MAGI2: variants seen among roughly 807,000 people sequenced by gnomAD.
MAGI2 encodes membrane-associated guanylate kinase, WW and PDZ domain-containing protein 2.
Under a neutral mutation model 133.3 loss-of-function variants are expected in MAGI2, and 35 were observed. The observed-to-expected ratio is 0.26, with a 90% CI of 0.20 to 0.35. MAGI2 has a LOEUF of 0.35. MAGI2 is among the 10% of genes least tolerant of loss of function. The pLI, the probability that MAGI2 is intolerant of heterozygous loss-of-function variation, is 1.00. For missense variants in MAGI2, 1,636 were observed against 1,863.4 expected (o/e 0.88, Z 2.25); for synonymous variants, 729 against 710.6 (o/e 1.03, Z -0.41).
intron 2 of MAGI2, among the ~76,000 whole-genome samples, chr7:78,805,400 C>T (rs1042011781): frequency 2.6e-5 from 4 of 151,788 alleles, no homozygotes; most frequent in African/African-American, 7.3e-5. Flanking sequence ...AAATATACCT[C>T]AATAAAAGAT....
chr7:78,794,978 T>C (rs1787484387), intron 2 of MAGI2, among the ~76,000 whole-genome samples: 1 of 152,062 alleles, frequency 6.6e-6, no homozygotes, highest in Non-Finnish European at 1.5e-5. Context: ...GATTCTTCTA[T>C]CACAGAGCAG....
At chr7:78,801,482 T>C (rs763010969) in intron 2 of MAGI2, among the ~76,000 whole-genome samples, 1 of 152,154 alleles carries the variant, frequency 6.6e-6, no homozygotes, top group African/African-American at 2.4e-5. Context: ...TTATTGATAA[T>C]GTACTGTCTA....
At chr7:78,507,747 G>A (rs1310775263) in intron 4 of MAGI2, among the ~76,000 whole-genome samples, 1 of 152,184 alleles carries the variant, frequency 6.6e-6, no homozygotes, top group Non-Finnish European at 1.5e-5. Context: ...ATTTGTCAGT[G>A]AGAGAAGAAA....
chr7:78,136,975 T>C (rs1480976478), intron 16 of MAGI2, among the ~76,000 whole-genome samples: 4 of 151,748 alleles, frequency 2.6e-5, no homozygotes, highest in Non-Finnish European at 5.9e-5. Flanking sequence ...TGTTTTTATA[T>C]ACCATAAGCA....
At chr7:78,126,193 G>GGTGTGTGTGTGTGTGTGT (rs3085805) in intron 19 of MAGI2, among the ~76,000 whole-genome samples, 2 of 149,010 alleles carry the variant, frequency 1.3e-5, no homozygotes, top group African/African-American at 5.0e-5. Context: ...ATAAATGTCA[G>GGTGTGTGTGTGTGTGTGT]GTGTGTGTGT....
At chr7:79,125,719 C>G (rs10272193) in intron 1 of MAGI2, 1 of 525,744 alleles carries the variant, frequency 1.9e-6, no homozygotes, top group African/African-American at 1.9e-5. Flanking sequence ...AGCTCTGGCC[C>G]CTATGATGGC....
chr7:78,204,181 A>T, intron 10 of MAGI2, among the ~76,000 whole-genome samples: 1 of 152,214 alleles, frequency 6.6e-6, no homozygotes. Flanking sequence ...AATAATTTCT[A>T]ATAATAATTA....
chr7:78,403,820 T>C (rs1427376201), intron 6 of MAGI2, among the ~76,000 whole-genome samples: 3 of 152,114 alleles, frequency 2.0e-5, no homozygotes, highest in Non-Finnish European at 4.4e-5. Flanking sequence ...GTCTGGTCAA[T>C]CAGGCAGGAG....
chr7:78,078,333 C>T (rs1815586219), intron 21 of MAGI2: 1 of 153,936 alleles, frequency 6.5e-6, no homozygotes, highest in East Asian at 1.9e-4. Flanking sequence ...GAAACAACAA[C>T]TTTAAAGATG....
intron 7 of MAGI2, among the ~76,000 whole-genome samples, chr7:78,351,176 T>A (rs1164922687): frequency 1.3e-5 from 2 of 152,064 alleles, no homozygotes; most frequent in Non-Finnish European, 2.9e-5. Context: ...GGAAAGAGGA[T>A]ATATCTCACT....
At chr7:79,344,750 A>G (rs1841182814) in intron 1 of MAGI2, among the ~76,000 whole-genome samples, 1 of 152,058 alleles carries the variant, frequency 6.6e-6, no homozygotes, top group African/African-American at 2.4e-5. Flanking sequence ...GGTAACAAGA[A>G]GCCACGGAAA....
chr7:79,229,874 ATGCTGGTGCAG>A (rs1831205239), intron 1 of MAGI2, among the ~76,000 whole-genome samples: 1 of 151,052 alleles, frequency 6.6e-6, no homozygotes, highest in African/African-American at 2.4e-5. Context: ...TACATGTGCC[ATGCTGGTGCAG>A]TGCACCCACT....
chr7:78,651,210 C>T (rs1811521082), intron 2 of MAGI2, among the ~76,000 whole-genome samples: 1 of 152,078 alleles, frequency 6.6e-6, no homozygotes, highest in South Asian at 2.1e-4. Flanking sequence ...ATAATACAGA[C>T]CCTCCAGCCT....
intron 1 of MAGI2, among the ~76,000 whole-genome samples, chr7:79,084,774 TTTTG>T (rs1190410380): frequency 1.3e-4 from 19 of 151,942 alleles, no homozygotes; most frequent in African/African-American, 4.3e-4. Context: ...TTATTCTGAT[TTTTG>T]TTTATCTGAA....
chr7:79,217,372 G>A (rs1015307140), intron 1 of MAGI2, among the ~76,000 whole-genome samples: 2 of 151,834 alleles, frequency 1.3e-5, no homozygotes, highest in African/African-American at 4.8e-5. Context: ...TCCATATTTT[G>A]TTCTTCTAGA....
At chr7:79,422,178 G>A (rs1224616345) in intron 1 of MAGI2, among the ~76,000 whole-genome samples, 1 of 151,970 alleles carries the variant, frequency 6.6e-6, no homozygotes, top group Non-Finnish European at 1.5e-5. Flanking sequence ...AATTCTACAT[G>A]ACCTTTTAGG....
intron 2 of MAGI2, among the ~76,000 whole-genome samples, chr7:78,945,808 G>A (rs1801371958): frequency 6.6e-6 from 1 of 152,048 alleles, no homozygotes. Flanking sequence ...CTACTCCTTG[G>A]CTCACTTAAT....
chr7:78,076,662 AG>A (rs1489480501), intron 21 of MAGI2, among the ~76,000 whole-genome samples: 2 of 149,568 alleles, frequency 1.3e-5, no homozygotes, highest in Admixed American at 1.3e-4. Flanking sequence ...CTGGCTAACA[AG>A]GTGAAACCCC....
chr7:79,152,477 CT>C (rs1823346194), intron 1 of MAGI2, among the ~76,000 whole-genome samples: 1 of 152,150 alleles, frequency 6.6e-6, no homozygotes. Flanking sequence ...AGTATTCTTG[CT>C]TTTGAGATTT....
Sources: gnomAD v4.1 joint callset for allele counts (sites outside exome capture counted in the v4.1 genomes callset) on GRCh38, gnomAD v4.1.1 for gene constraint, MANE v1.5 for transcripts, NCBI Gene and HGNC (gene_info 2026-07-23, HGNC 2026-07-21) for gene names.